COLEC10: variants seen among roughly 807,000 people sequenced by gnomAD.
The protein encoded by COLEC10 is collectin subfamily member 10.
A neutral mutation model predicts 28.4 loss-of-function variants in COLEC10; 22 were observed. That is an observed-to-expected ratio of 0.78 (90% CI 0.55 to 1.11). COLEC10 has a LOEUF of 1.11. Ranked by LOEUF, COLEC10 falls within the 50% of genes least tolerant of loss-of-function variation. The pLI is 0.00. For synonymous variants in COLEC10, 125 were observed against 116.1 expected, an observed-to-expected ratio of 1.08 and a Z score of -0.49; for missense variants, 361 against 344.1, an observed-to-expected ratio of 1.05 and a Z score of -0.39.
chr8:119,066,739 T>C (rs1158126053), upstream of COLEC10, among the ~76,000 whole-genome samples: 1 of 152,220 alleles, frequency 6.6e-6, no homozygotes, highest in African/African-American at 2.4e-5. Context: ...TTCTTTCCTT[T>C]TGAATTTAAT....
the COLEC10 span, among the ~76,000 whole-genome samples, chr8:118,985,085 A>C: frequency 6.6e-6 from 1 of 152,098 alleles, no homozygotes; most frequent in Non-Finnish European, 1.5e-5. Context: ...GGGGACACAG[A>C]GCCAAACCAT....
intron 1 of COLEC10, among the ~76,000 whole-genome samples, chr8:119,007,874 A>G (rs1335387395): frequency 6.6e-6 from 1 of 150,848 alleles, no homozygotes; most frequent in African/African-American, 2.5e-5. Flanking sequence ...AGGTTTTCTC[A>G]TTTATAAAAA....
chr8:119,087,349 T>G (rs1307059230), intron 1 of COLEC10, among the ~76,000 whole-genome samples: 1 of 152,188 alleles, frequency 6.6e-6, no homozygotes, highest in African/African-American at 2.4e-5. Flanking sequence ...ACAAAGGTAA[T>G]TAGAGGGAGA....
intron 2 of COLEC10, chr8:119,009,633 A>G (rs1308614588): frequency 6.6e-6 from 1 of 150,794 alleles, no homozygotes; most frequent in East Asian, 1.9e-4. Flanking sequence ...AGACAAATGT[A>G]TAGAAGTGAC....
Position 119,103,850 on chromosome 8 carries a change from A to G in COLEC10, c.397A>G (p.Ile133Val). The G allele has an allele frequency of 1.2e-6, 2 of 1,612,932 alleles. No homozygotes were observed. The highest frequency in any genetic ancestry group is 1.7e-6 in the Non-Finnish European group (2 of 1,179,160). The change falls in exon 5 of 6, where the codon ATT (isoleucine) becomes GTT (valine). Residue 133 changes from isoleucine to valine, a missense_variant. Around this residue, in one of 3 missense-constraint regions of COLEC10, gnomAD observed 335 missense variants for 308.5 expected, o/e 1.09. Coordinates refer to ENST00000332843, the MANE Select transcript of COLEC10 (RefSeq NM_006438.5). ...RYRKFVGQLDISIARLKTSMK... is the reference protein window; with the variant it reads ...RYRKFVGQLDVSIARLKTSMK... ...CCGGAAATTTGTTGGACAACTGGAT[A>G]TTAGTATTGCTCGGCTCAAGACATC...
chr8:118,962,214 G>C, the COLEC10 span, among the ~76,000 whole-genome samples: 1 of 152,310 alleles, frequency 6.6e-6, no homozygotes, highest in Admixed American at 6.5e-5. Context: ...TTACTAGTAT[G>C]ATGAGGAAAG....
chr8:118,994,385 A>G (rs570969305), upstream of COLEC10, among the ~76,000 whole-genome samples: 4 of 152,344 alleles, frequency 2.6e-5, no homozygotes, highest in South Asian at 6.2e-4. Context: ...TTACATATAC[A>G]TAAAGTTACC....
At chr8:119,080,817 C>T (rs1815353036) in intron 1 of COLEC10, among the ~76,000 whole-genome samples, 1 of 152,054 alleles carries the variant, frequency 6.6e-6, no homozygotes, top group South Asian at 2.1e-4. Context: ...CTAATTTATT[C>T]CTTCCTTCTC....
chr8:119,034,962 A>C (rs1190875029), intron 2 of COLEC10, among the ~76,000 whole-genome samples: 2 of 152,164 alleles, frequency 1.3e-5, no homozygotes, highest in Non-Finnish European at 2.9e-5. Flanking sequence ...AACTAATCAT[A>C]TGTCCAAAAA....
chr8:118,988,183 C>T, the COLEC10 span, among the ~76,000 whole-genome samples: 4 of 152,096 alleles, frequency 2.6e-5, no homozygotes, highest in Admixed American at 1.3e-4. Context: ...CTATTAGGGA[C>T]CCCAATCTTA....
At chr8:119,047,985 T>C (rs1328868872) in intron 2 of COLEC10, among the ~76,000 whole-genome samples, 6 of 152,250 alleles carry the variant, frequency 3.9e-5, no homozygotes, top group Non-Finnish European at 5.9e-5. Context: ...AAGAATAGCA[T>C]AAGAGTATTT....
chr8:119,069,632 ATATATATAT>A lies in COLEC10; in HGVS notation c.148+2204_148+2212del, dbSNP rs1563733716. ...AAAAAAAAAAAAAAAAAAAAAAAAT[ATATATATAT>A]ATATATATATATATATATATGTAAA... On this transcript the variant is annotated intron_variant, in intron 1 of 5. Coordinates refer to ENST00000332843, the MANE Select transcript of COLEC10 (RefSeq NM_006438.5). 4.3e-3 allele frequency among the ~76,000 whole-genome samples: 220 copies of A among 50,644 alleles called. 5 individuals carry two copies. Among genetic ancestry groups the A allele is most frequent in the African/African-American group, 0.019 (185 of 9,908 alleles). The allele number at this position is 50,644 out of a possible 152,430, so 33.2% of individuals were successfully genotyped here. A position where few individuals can be genotyped will look rare whatever the true frequency, so the allele number is the denominator to read the frequency against.
the COLEC10 span, among the ~76,000 whole-genome samples, chr8:118,964,033 T>G: frequency 6.6e-6 from 1 of 152,166 alleles, no homozygotes; most frequent in African/African-American, 2.4e-5. Context: ...ATGTTAAAAG[T>G]GCTATGGAGC....
the COLEC10 span, among the ~76,000 whole-genome samples, chr8:118,972,832 G>A: frequency 1.3e-5 from 2 of 152,004 alleles, no homozygotes; most frequent in Non-Finnish European, 2.9e-5. Flanking sequence ...AAAGGAAAGA[G>A]GCTTAATTGA....
chr8:119,100,732 T>G (rs1238432430), intron 3 of COLEC10, among the ~76,000 whole-genome samples: 3 of 152,174 alleles, frequency 2.0e-5, no homozygotes, highest in South Asian at 2.1e-4. Flanking sequence ...CTGTTCAATG[T>G]CTCTCTCACA....
intron 2 of COLEC10, among the ~76,000 whole-genome samples, chr8:119,013,109 C>T (rs1813929502): frequency 6.7e-6 from 1 of 149,742 alleles, no homozygotes; most frequent in Non-Finnish European, 1.5e-5. Flanking sequence ...TATTATTTTC[C>T]TTCTAAGCAC....
intron 1 of COLEC10, among the ~76,000 whole-genome samples, chr8:119,083,653 C>T (rs1306900531): frequency 6.6e-6 from 1 of 152,120 alleles, no homozygotes; most frequent in African/African-American, 2.4e-5. Flanking sequence ...AGAAAAGGGT[C>T]ATCATCCCCA....
At chr8:119,059,136 T>C (rs1814811078) in intron 2 of COLEC10, among the ~76,000 whole-genome samples, 1 of 152,122 alleles carries the variant, frequency 6.6e-6, no homozygotes, top group Admixed American at 6.6e-5. Flanking sequence ...ATATATGATT[T>C]GTAAATGTTT....
chr8:119,063,431 T>C (rs769041494), upstream of COLEC10, among the ~76,000 whole-genome samples: 2 of 152,202 alleles, frequency 1.3e-5, no homozygotes, highest in Non-Finnish European at 2.9e-5. Context: ...CTCCTTGCCT[T>C]TGACAGTTTA....
Sources: allele counts gnomAD v4.1 joint callset (sites outside exome capture counted in the v4.1 genomes callset), GRCh38; gene constraint gnomAD v4.1.1; regional missense constraint gnomAD v4.1.1; transcripts MANE v1.5; gene names NCBI Gene and HGNC (gene_info 2026-07-23, HGNC 2026-07-21).